PTPRR: variants seen among roughly 807,000 people sequenced by gnomAD.
The protein encoded by PTPRR is protein tyrosine phosphatase receptor type R.
In PTPRR, 38 loss-of-function variants were observed where a neutral mutation model predicts 77.2. That is an observed-to-expected ratio of 0.49 (90% confidence interval 0.38 to 0.65). The LOEUF (loss-of-function observed/expected upper bound fraction) is 0.65, where lower values mean the gene tolerates loss of function less well. Ranked by LOEUF, PTPRR falls within the 30% of genes least tolerant of loss-of-function variation. PTPRR has a pLI of 0.00. For missense variants in PTPRR, 744 were observed against 799.2 expected (o/e 0.93, Z 0.83); for synonymous variants, 299 against 283.1 (o/e 1.06, Z -0.57).
At chr12:70,754,048 G>C in intron 5 of PTPRR, 143 bp downstream of exon 5, 2 of 801,648 alleles carry the variant, frequency 2.5e-6, no homozygotes, top group Non-Finnish European at 3.8e-6. Flanking sequence ...TCTGATGTCA[G>C]ATATGAAATA....
intron 2 of PTPRR, among the ~76,000 whole-genome samples, chr12:70,812,385 T>C (rs909131730): frequency 1.3e-5 from 2 of 152,172 alleles, no homozygotes; most frequent in East Asian, 1.9e-4. Flanking sequence ...AGAGCTTTCA[T>C]GAAACATTAA....
intron 6 of PTPRR, among the ~76,000 whole-genome samples, chr12:70,728,149 T>C (rs1889508993): frequency 6.6e-6 from 1 of 150,940 alleles, no homozygotes; most frequent in African/African-American, 2.4e-5. Flanking sequence ...AGGTTGAGTA[T>C]CCCTGTATCC....
At chr12:70,659,437 A>T (rs562046761) in intron 12 of PTPRR, among the ~76,000 whole-genome samples, 1 of 152,158 alleles carries the variant, frequency 6.6e-6, no homozygotes, top group South Asian at 2.1e-4. Context: ...TTAGATACTG[A>T]TGTTGGAGTT....
chr12:70,832,703 G>T (rs1892235704), intron 2 of PTPRR, among the ~76,000 whole-genome samples: 1 of 152,184 alleles, frequency 6.6e-6, no homozygotes, highest in Admixed American at 6.5e-5. Context: ...CATGGGCAGT[G>T]TGTTAGTCCA....
chr12:70,773,193 A>G (rs569625421), intron 2 of PTPRR, among the ~76,000 whole-genome samples: 3 of 152,222 alleles, frequency 2.0e-5, no homozygotes, highest in East Asian at 3.9e-4. Context: ...CCCTACTCCA[A>G]TAAGACCTCT....
chr12:70,676,815 A>T (rs1887465320), intron 10 of PTPRR, among the ~76,000 whole-genome samples: 2 of 148,396 alleles, frequency 1.3e-5, no homozygotes, highest in African/African-American at 2.5e-5. Context: ...TCGATACTGT[A>T]ACTTTGGGGT....
At chr12:70,647,379 ATTGAT>A (rs1464667478) in intron 13 of PTPRR, among the ~76,000 whole-genome samples, 2 of 152,204 alleles carry the variant, frequency 1.3e-5, no homozygotes, top group East Asian at 1.9e-4. Flanking sequence ...ATAGTCACGA[ATTGAT>A]TTGTAGTCAT....
chr12:70,699,587 C>A (rs1345726820), intron 7 of PTPRR, among the ~76,000 whole-genome samples: 1 of 152,162 alleles, frequency 6.6e-6, no homozygotes, highest in South Asian at 2.1e-4. Context: ...GCTGGGATTA[C>A]AAGCATGAGC....
At chr12:70,879,108 G>A (rs1473465165) in intron 2 of PTPRR, among the ~76,000 whole-genome samples, 1 of 152,112 alleles carries the variant, frequency 6.6e-6, no homozygotes. Flanking sequence ...GTTGTGGGGT[G>A]TGGGGAGGGG....
At chr12:70,916,158 G>T (rs1297992319) in intron 1 of PTPRR, among the ~76,000 whole-genome samples, 1 of 151,934 alleles carries the variant, frequency 6.6e-6, no homozygotes, top group Non-Finnish European at 1.5e-5. Context: ...GGGGGGAAGG[G>T]AAAATGAAAT....
chr12:70,748,398 A>G (rs1890279803), intron 5 of PTPRR, among the ~76,000 whole-genome samples: 1 of 152,198 alleles, frequency 6.6e-6, no homozygotes, highest in Non-Finnish European at 1.5e-5. Flanking sequence ...GGAATATAGC[A>G]TATTCATATT....
intron 13 of PTPRR, among the ~76,000 whole-genome samples, chr12:70,655,168 A>G (rs1886532043): frequency 6.6e-6 from 1 of 152,330 alleles, no homozygotes; most frequent in South Asian, 2.1e-4. Flanking sequence ...TGATCAAACC[A>G]TATCTCTATA....
chr12:70,665,133 C>A (rs1190916399), intron 10 of PTPRR, among the ~76,000 whole-genome samples: 1 of 152,060 alleles, frequency 6.6e-6, no homozygotes, highest in Non-Finnish European at 1.5e-5. Context: ...CAGAATATAA[C>A]CCCAAATCAT....
chr12:70,842,428 G>A (rs968888027), intron 2 of PTPRR, among the ~76,000 whole-genome samples: 2 of 152,148 alleles, frequency 1.3e-5, no homozygotes, highest in Admixed American at 1.3e-4. Flanking sequence ...CCACAAAATA[G>A]GTGGCTTAAA....
At chr12:70,673,798 T>C (rs1423559625) in intron 10 of PTPRR, among the ~76,000 whole-genome samples, 1 of 152,240 alleles carries the variant, frequency 6.6e-6, no homozygotes, top group Non-Finnish European at 1.5e-5. Context: ...AAGTTGTTCA[T>C]AGTGTCCTCT....
At position 70,917,878 on chromosome 12, in the gene PTPRR, C is replaced by T. The variant is rs1893797712; in HGVS notation, c.58+2455G>A. Among the ~76,000 whole-genome samples the T allele has an allele frequency of 2.0e-5, 3 of 152,162 alleles. No individual in the cohort carries two copies. In the South Asian group the frequency reaches 6.2e-4, roughly 32 times the overall value. On this transcript the variant is annotated intron_variant, in intron 1 of 13. Coordinates refer to ENST00000283228, the MANE Select transcript of PTPRR (RefSeq NM_002849.4). ...AAAGCATTATAAGGTGTCATCAGTT[C>T]CACCAGCATAAAGCAGTTGCTGATA...
intron 2 of PTPRR, among the ~76,000 whole-genome samples, chr12:70,816,110 C>T (rs746047261): frequency 2.0e-5 from 3 of 152,070 alleles, no homozygotes; most frequent in Non-Finnish European, 4.4e-5. Context: ...ATTTAGTCAC[C>T]TCTTTAATTC....
intron 6 of PTPRR, among the ~76,000 whole-genome samples, chr12:70,737,720 A>G (rs1889919077): frequency 6.6e-6 from 1 of 152,066 alleles, no homozygotes; most frequent in Non-Finnish European, 1.5e-5. Context: ...ACGGGGTCTC[A>G]CTATGTTGCC....
rs73146179 is a variant in PTPRR at position 70,875,007 on chromosome 12, T to C, written c.357+17672A>G. Among the ~76,000 whole-genome samples the C allele has an allele frequency of 8.9e-3, 1,347 of 151,908 alleles. 12 individuals are homozygous for C. The highest frequency in any genetic ancestry group is 0.015 in the Non-Finnish European group (1,032 of 67,956). On this transcript the variant is annotated intron_variant, in intron 2 of 13. Coordinates refer to ENST00000283228, the MANE Select transcript of PTPRR (RefSeq NM_002849.4). Reference sequence around the variant, plus strand: ...AAGCACTAGCACGTAGCAGCAAATGTACAAAGATCTTTTTATAACATTATT... The same window carrying C: ...AAGCACTAGCACGTAGCAGCAAATGCACAAAGATCTTTTTATAACATTATT...
Sources: gnomAD v4.1 joint callset for allele counts (sites outside exome capture counted in the v4.1 genomes callset) on GRCh38, gnomAD v4.1.1 for gene constraint, MANE v1.5 for transcripts, NCBI Gene and HGNC (gene_info 2026-07-23, HGNC 2026-07-21) for gene names.